The following GALNT13 variants were observed in gnomAD, a reference collection of about 807,000 sequenced individuals.
The protein encoded by GALNT13 is polypeptide N-acetylgalactosaminyltransferase 13, also known as UDP-GalNAc:polypeptide N-acetylgalactosaminyltransferase 13.
GALNT13 carries 28 observed loss-of-function variants against 64.2 expected under a neutral mutation model. The ratio of observed to expected loss-of-function variants is 0.44; its 90% CI spans 0.32 to 0.60. GALNT13 has a LOEUF of 0.60. Ranked by LOEUF, GALNT13 falls within the 20% of genes least tolerant of loss-of-function variation. GALNT13 has a pLI of 0.05. For synonymous variants in GALNT13, 214 were observed against 224.6 expected (o/e 0.95, Z 0.42); for missense variants, 577 against 669.8 (o/e 0.86, Z 1.53).
At chr2:153,293,827 C>G in the GALNT13 span, among the ~76,000 whole-genome samples, 1 of 150,970 alleles carries the variant, frequency 6.6e-6, no homozygotes, top group African/African-American at 2.4e-5. Flanking sequence ...GGGTTTTACT[C>G]TGTATCTAGG....
At chr2:153,841,055 A>C in the GALNT13 span, among the ~76,000 whole-genome samples, 1 of 152,142 alleles carries the variant, frequency 6.6e-6, no homozygotes, top group African/African-American at 2.4e-5. Flanking sequence ...AAATGTTAGA[A>C]TCAGTCTTGT....
At chr2:153,613,709 G>GT in the GALNT13 span, among the ~76,000 whole-genome samples, 1 of 152,064 alleles carries the variant, frequency 6.6e-6, no homozygotes, top group Non-Finnish European at 1.5e-5. Flanking sequence ...CCACCTATGA[G>GT]TGAGAACATG....
the GALNT13 span, among the ~76,000 whole-genome samples, chr2:153,437,737 G>T: frequency 2.0e-5 from 3 of 152,038 alleles, no homozygotes; most frequent in East Asian, 3.9e-4. Flanking sequence ...TGTGAGATGG[G>T]TTTCCTGAAT....
At chr2:153,638,699 T>C in the GALNT13 span, among the ~76,000 whole-genome samples, 9 of 152,062 alleles carry the variant, frequency 5.9e-5, no homozygotes, top group African/African-American at 2.2e-4. Flanking sequence ...TTAATTTATA[T>C]GGCCACTGTC....
At chr2:153,133,519 C>T in the GALNT13 span, among the ~76,000 whole-genome samples, 1 of 152,022 alleles carries the variant, frequency 6.6e-6, no homozygotes, top group Non-Finnish European at 1.5e-5. Flanking sequence ...ATTTTTCTCA[C>T]CCATTTATGT....
chr2:153,386,861 T>C, the GALNT13 span, among the ~76,000 whole-genome samples: 1 of 152,080 alleles, frequency 6.6e-6, no homozygotes, highest in Non-Finnish European at 1.5e-5. Flanking sequence ...CACAAATATG[T>C]GAGGCGATGC....
At chr2:153,315,378 T>C in the GALNT13 span, among the ~76,000 whole-genome samples, 1 of 152,218 alleles carries the variant, frequency 6.6e-6, no homozygotes, top group Admixed American at 6.5e-5. Context: ...TCTCTGGGGC[T>C]TCTTTTATAA....
chr2:154,269,674 G>T (rs1054083116), intron 8 of GALNT13, among the ~76,000 whole-genome samples: 1 of 151,376 alleles, frequency 6.6e-6, no homozygotes, highest in African/African-American at 2.4e-5. Flanking sequence ...CCCATTTGGT[G>T]CAGGCTGAAC....
the GALNT13 span, among the ~76,000 whole-genome samples, chr2:153,205,471 A>C: frequency 3.4e-4 from 52 of 152,266 alleles, no homozygotes; most frequent in South Asian, 0.011. Context: ...TGTTTAATCC[A>C]AATTTGAATA....
At chr2:153,518,002 T>TA in the GALNT13 span, among the ~76,000 whole-genome samples, 4 of 152,054 alleles carry the variant, frequency 2.6e-5, no homozygotes, top group African/African-American at 9.7e-5. Flanking sequence ...CAACATGATT[T>TA]AAAAAATGAT....
intron 3 of GALNT13, among the ~76,000 whole-genome samples, chr2:153,960,289 T>C (rs13030825): frequency 0.39 from 59,415 of 152,118 alleles, 14,678 homozygotes; most frequent in Non-Finnish European, 0.55. Flanking sequence ...CTTCTGTCTT[T>C]GCCCCATGTT....
At chr2:153,292,493 G>C in the GALNT13 span, among the ~76,000 whole-genome samples, 1 of 152,162 alleles carries the variant, frequency 6.6e-6, no homozygotes, top group South Asian at 2.1e-4. Flanking sequence ...GAACATGACA[G>C]GAGGTATGGC....
chr2:153,963,575 G>C (rs989368874), intron 3 of GALNT13, among the ~76,000 whole-genome samples: 2 of 151,992 alleles, frequency 1.3e-5, no homozygotes, highest in Non-Finnish European at 2.9e-5. Flanking sequence ...TCACATCCTT[G>C]CCAACACATC....
the GALNT13 span, among the ~76,000 whole-genome samples, chr2:153,169,495 G>C: frequency 1.3e-5 from 2 of 152,202 alleles, no homozygotes; most frequent in African/African-American, 4.8e-5. Context: ...TTAGGAGTTA[G>C]ATAGGACCAC....
chr2:153,888,038 C>A (rs985046998), intron 1 of GALNT13, among the ~76,000 whole-genome samples: 3 of 151,958 alleles, frequency 2.0e-5, no homozygotes, highest in African/African-American at 7.2e-5. Context: ...TTTGAAATAA[C>A]AAATTGTAAT....
chr2:153,462,261 A>G, the GALNT13 span, among the ~76,000 whole-genome samples: 3 of 152,154 alleles, frequency 2.0e-5, no homozygotes, highest in African/African-American at 7.2e-5. Context: ...CTTGAAATTT[A>G]CATATTTCTA....
chr2:153,950,202 C>T (rs116233986), intron 3 of GALNT13, among the ~76,000 whole-genome samples: 2,040 of 151,540 alleles, frequency 0.013, 43 homozygotes, highest in African/African-American at 0.047. Flanking sequence ...TTATTAAGTA[C>T]GTATAAGTAA....
At chr2:154,242,471 C>CT (rs1689546369) in intron 5 of GALNT13, among the ~76,000 whole-genome samples, 1 of 152,000 alleles carries the variant, frequency 6.6e-6, no homozygotes, top group Non-Finnish European at 1.5e-5. Context: ...AAAAATATAT[C>CT]TTTTTTCCAA....
intron 9 of GALNT13, among the ~76,000 whole-genome samples, chr2:154,350,042 A>G (rs1449146277): frequency 6.6e-6 from 1 of 152,204 alleles, no homozygotes; most frequent in Admixed American, 6.5e-5. Flanking sequence ...AAAAGAAAAA[A>G]CCAGAAGAAA....
Sources: gnomAD v4.1 joint callset for allele counts (sites outside exome capture counted in the v4.1 genomes callset) on GRCh38, gnomAD v4.1.1 for gene constraint, MANE v1.5 for transcripts, NCBI Gene and HGNC (gene_info 2026-07-23, HGNC 2026-07-21) for gene names.